Variants in PPP1R9A observed in about 807,000 individuals in gnomAD.
PPP1R9A encodes the protein protein phosphatase 1 regulatory subunit 9A.
In PPP1R9A, 59 loss-of-function variants were observed where a neutral mutation model predicts 141.9. The observed-to-expected ratio is 0.42, with a 90% CI of 0.34 to 0.52. The LOEUF (loss-of-function observed/expected upper bound fraction) is 0.52. PPP1R9A is among the 20% of genes least tolerant of loss of function. PPP1R9A has a pLI of 0.10. For missense variants in PPP1R9A, 1,444 were observed against 1,611.9 expected, an observed-to-expected ratio of 0.90 and a Z score of 1.78; for synonymous variants, 500 against 569.7, an observed-to-expected ratio of 0.88 and a Z score of 1.74.
intron 8 of PPP1R9A, among the ~76,000 whole-genome samples, chr7:95,238,435 T>C (rs1185406337): frequency 6.6e-6 from 1 of 152,146 alleles, no homozygotes; most frequent in African/African-American, 2.4e-5. Context: ...ACTCAGGTTA[T>C]GTGGAGAAGA....
chr7:95,001,607 G>A (rs1319861394), intron 2 of PPP1R9A, among the ~76,000 whole-genome samples: 1 of 152,094 alleles, frequency 6.6e-6, no homozygotes, highest in Admixed American at 6.6e-5. Context: ...GCAACATCAA[G>A]CCCAGTTGAA....
At chr7:94,995,010 T>A (rs575873569) in intron 2 of PPP1R9A, among the ~76,000 whole-genome samples, 232 of 152,316 alleles carry the variant, frequency 1.5e-3, no homozygotes, top group Non-Finnish European at 2.4e-3. Context: ...ACATACTGTT[T>A]AATGCAGTTT....
At chr7:95,103,454 G>A (rs1419621538) in intron 2 of PPP1R9A, among the ~76,000 whole-genome samples, 3 of 145,534 alleles carry the variant, frequency 2.1e-5, no homozygotes, top group South Asian at 2.2e-4. Flanking sequence ...TGCAAGCTCC[G>A]CCTCCTGGGT....
chr7:95,039,893 C>G (rs1808979976), intron 2 of PPP1R9A, among the ~76,000 whole-genome samples: 1 of 151,884 alleles, frequency 6.6e-6, no homozygotes, highest in Admixed American at 6.6e-5. Flanking sequence ...AGATAGAAAC[C>G]CACAAACACA....
chr7:95,209,356 AT>A (rs1001593901), intron 7 of PPP1R9A, among the ~76,000 whole-genome samples: 4 of 152,176 alleles, frequency 2.6e-5, no homozygotes, highest in African/African-American at 9.7e-5. Flanking sequence ...AAAAGTACAG[AT>A]TTACCCACCC....
At chr7:94,981,687 C>CATAT (rs1418896557) in intron 2 of PPP1R9A, among the ~76,000 whole-genome samples, 2 of 152,074 alleles carry the variant, frequency 1.3e-5, no homozygotes, top group African/African-American at 2.4e-5. Flanking sequence ...TACATATGTA[C>CATAT]ATATATTCTA....
chr7:94,932,138 C>A (rs1794238533), intron 2 of PPP1R9A, among the ~76,000 whole-genome samples: 4 of 152,090 alleles, frequency 2.6e-5, no homozygotes, highest in Admixed American at 2.0e-4. Context: ...GCCTTTCCAC[C>A]TTAGGGGTGG....
At chr7:95,288,001 T>C (rs1413906620) in intron 18 of PPP1R9A, among the ~76,000 whole-genome samples, 1 of 152,156 alleles carries the variant, frequency 6.6e-6, no homozygotes, top group Non-Finnish European at 1.5e-5. Flanking sequence ...TCCTCATTTC[T>C]TGAAAGTAAT....
intron 2 of PPP1R9A, among the ~76,000 whole-genome samples, chr7:95,010,457 C>T (rs140890632): frequency 5.9e-4 from 89 of 152,104 alleles, no homozygotes; most frequent in Middle Eastern, 3.4e-3. Context: ...AGTCTGATTT[C>T]GGAACTTCTA....
At chr7:95,003,205 C>T (rs1281767360) in intron 2 of PPP1R9A, among the ~76,000 whole-genome samples, 1 of 152,012 alleles carries the variant, frequency 6.6e-6, no homozygotes, top group African/African-American at 2.4e-5. Context: ...AGAAAACAGT[C>T]GTCTCCTGTT....
chr7:94,977,900 CTA>C (rs1799648680), intron 2 of PPP1R9A, among the ~76,000 whole-genome samples: 1 of 151,630 alleles, frequency 6.6e-6, no homozygotes, highest in Non-Finnish European at 1.5e-5. Flanking sequence ...GTAGCTGGGA[CTA>C]CAGGCACGTG....
chr7:94,991,378 C>T (rs751569670), intron 2 of PPP1R9A, among the ~76,000 whole-genome samples: 3 of 151,940 alleles, frequency 2.0e-5, no homozygotes, highest in Non-Finnish European at 4.4e-5. Flanking sequence ...GGATCACTTG[C>T]CTTTTTGTTT....
chr7:95,187,795 C>G (rs1260463852), intron 5 of PPP1R9A, among the ~76,000 whole-genome samples: 1 of 151,974 alleles, frequency 6.6e-6, no homozygotes, highest in Non-Finnish European at 1.5e-5. Flanking sequence ...ATTTTATTTG[C>G]CTGTATTTGT....
At chr7:95,033,216 G>A (rs112989220) in intron 2 of PPP1R9A, among the ~76,000 whole-genome samples, 52,738 of 140,092 alleles carry the variant, frequency 0.38, 10,727 homozygotes, top group Middle Eastern at 0.5. Context: ...GGTTTTCACC[G>A]TGTTAGCCAG....
chr7:95,011,009 T>C (rs535896684), intron 2 of PPP1R9A, among the ~76,000 whole-genome samples: 5 of 151,908 alleles, frequency 3.3e-5, no homozygotes, highest in Non-Finnish European at 5.9e-5. Flanking sequence ...AGAGAAAACT[T>C]TTCTCTTTCA....
chr7:95,042,735 T>C (rs1809435637), intron 2 of PPP1R9A, among the ~76,000 whole-genome samples: 1 of 152,188 alleles, frequency 6.6e-6, no homozygotes, highest in Non-Finnish European at 1.5e-5. Flanking sequence ...AGGTTATTTT[T>C]ATGCTCAAGA....
At chr7:94,938,048 T>TCCCCC in intron 2 of PPP1R9A, among the ~76,000 whole-genome samples, 1 of 152,078 alleles carries the variant, frequency 6.6e-6, no homozygotes, top group Non-Finnish European at 1.5e-5. Flanking sequence ...TCTGGTAGAG[T>TCCCCC]AGAACAGGGG....
At chr7:95,123,963 C>T (rs1311008385) in intron 4 of PPP1R9A, among the ~76,000 whole-genome samples, 1 of 151,990 alleles carries the variant, frequency 6.6e-6, no homozygotes, top group Non-Finnish European at 1.5e-5. Context: ...AACATAAGTA[C>T]AGAATCAAAA....
At chr7:94,976,064 A>G (rs1243582904) in intron 2 of PPP1R9A, among the ~76,000 whole-genome samples, 3 of 151,774 alleles carry the variant, frequency 2.0e-5, no homozygotes, top group Non-Finnish European at 4.4e-5. Flanking sequence ...GTGCTCCTGT[A>G]TTTTTTTTAG....
Sources: allele counts gnomAD v4.1 joint callset (sites outside exome capture counted in the v4.1 genomes callset), GRCh38; gene constraint gnomAD v4.1.1; transcripts MANE v1.5; gene names NCBI Gene and HGNC (gene_info 2026-07-23, HGNC 2026-07-21).